The following FGF14 variants were observed in gnomAD, a reference collection of about 807,000 sequenced individuals.
FGF14 encodes the protein fibroblast growth factor homologous factor 4.
In FGF14, 5 loss-of-function variants were observed where a neutral mutation model predicts 25.5. The observed-to-expected ratio is 0.20, with a 90% confidence interval of 0.10 to 0.41. The LOEUF is 0.41. Ranked by LOEUF, FGF14 falls within the 10% of genes least tolerant of loss-of-function variation. The pLI is 1.00. For synonymous variants in FGF14, 138 were observed against 118.3 expected (o/e 1.17, Z -1.08); for missense variants, 222 against 320.1 (o/e 0.69, Z 2.34).
At chr13:101,937,517 GA>G in intron 1 of FGF14, among the ~76,000 whole-genome samples, 1 of 152,322 alleles carries the variant, frequency 6.6e-6, no homozygotes, top group Non-Finnish European at 1.5e-5. Context: ...GGCCTCAGAA[GA>G]AATCAACCTT....
At chr13:102,189,754 C>T (rs1363616716) in intron 1 of FGF14, among the ~76,000 whole-genome samples, 2 of 152,138 alleles carry the variant, frequency 1.3e-5, no homozygotes, top group African/African-American at 4.8e-5. Flanking sequence ...GCAAGCATGG[C>T]ACCAGCATCT....
intron 1 of FGF14, among the ~76,000 whole-genome samples, chr13:102,062,213 T>G (rs1050339106): frequency 1.3e-5 from 2 of 152,248 alleles, no homozygotes; most frequent in African/African-American, 4.8e-5. Flanking sequence ...GCAAATGATT[T>G]AAACATGGCT....
chr13:101,881,167 G>A (rs2045687711), intron 1 of FGF14, among the ~76,000 whole-genome samples: 1 of 152,086 alleles, frequency 6.6e-6, no homozygotes, highest in African/African-American at 2.4e-5. Flanking sequence ...GAGTATCTTG[G>A]GATTCCTAGC....
intron 1 of FGF14, among the ~76,000 whole-genome samples, chr13:101,912,927 T>TA: frequency 6.6e-6 from 1 of 152,242 alleles, no homozygotes; most frequent in Non-Finnish European, 1.5e-5. Context: ...TTTGAGAGCC[T>TA]ATGAAGATGC....
intron 1 of FGF14, among the ~76,000 whole-genome samples, chr13:102,294,664 C>CT (rs1566910458): frequency 6.6e-6 from 1 of 152,140 alleles, no homozygotes; most frequent in Non-Finnish European, 1.5e-5. Flanking sequence ...CCCTCCCCTC[C>CT]TTTCTTATTT....
intron 1 of FGF14, among the ~76,000 whole-genome samples, chr13:102,146,869 C>A (rs2046875991): frequency 6.6e-6 from 1 of 152,098 alleles, no homozygotes; most frequent in African/African-American, 2.4e-5. Flanking sequence ...GGGAAGACAT[C>A]ACATAAAATA....
chr13:101,962,501 T>C (rs1453725338), intron 1 of FGF14, among the ~76,000 whole-genome samples: 1 of 152,102 alleles, frequency 6.6e-6, no homozygotes, highest in African/African-American at 2.4e-5. Flanking sequence ...ACCCATAGAA[T>C]GACTAAAGTT....
Position 101,765,660 on chromosome 13 carries a change from T to C in FGF14, c.409-38850A>G, listed in dbSNP as rs140201046. On this transcript the variant is annotated intron_variant, in intron 3 of 4. Coordinates refer to ENST00000376143, the MANE Select transcript of FGF14 (RefSeq NM_004115.4). ...AATGAAGACCACATAAGAGAATCAA[T>C]ATGTGAAACAAATCCTCTGTGCATA... Among the ~76,000 whole-genome samples the C allele has an allele frequency of 5.7e-4, 86 of 152,154 alleles. No homozygotes were observed. In the East Asian group the frequency reaches 0.016, roughly 28 times the overall value.
At chr13:102,115,245 T>C (rs909499406) in intron 1 of FGF14, among the ~76,000 whole-genome samples, 3 of 152,198 alleles carry the variant, frequency 2.0e-5, no homozygotes, top group African/African-American at 7.2e-5. Context: ...GAAGCACAGC[T>C]GTCCCCATGG....
intron 3 of FGF14, among the ~76,000 whole-genome samples, chr13:101,824,734 C>G (rs2042320549): frequency 6.6e-6 from 1 of 152,132 alleles, no homozygotes; most frequent in South Asian, 2.1e-4. Context: ...AGGAACCGAC[C>G]ACGTGATTTG....
chr13:102,075,268 T>C (rs979164058), intron 1 of FGF14, among the ~76,000 whole-genome samples: 14 of 152,236 alleles, frequency 9.2e-5, no homozygotes, highest in African/African-American at 3.4e-4. Context: ...AATTTCTATA[T>C]GCTAACTATG....
intron 1 of FGF14, among the ~76,000 whole-genome samples, chr13:102,023,221 T>G (rs1257169601): frequency 2.0e-5 from 3 of 152,020 alleles, no homozygotes; most frequent in Non-Finnish European, 4.4e-5. Context: ...GTAAATGAAT[T>G]TAGAGCACTT....
intron 1 of FGF14, among the ~76,000 whole-genome samples, chr13:102,121,276 G>A (rs541087517): frequency 1.3e-5 from 2 of 152,208 alleles, no homozygotes; most frequent in East Asian, 1.9e-4. Context: ...TTGCCTACAG[G>A]TGGAAAATCT....
chr13:102,199,824 T>TAG (rs1566808877), intron 1 of FGF14, among the ~76,000 whole-genome samples: 4 of 152,334 alleles, frequency 2.6e-5, no homozygotes, highest in Admixed American at 6.5e-5. Flanking sequence ...TGCCAGACTT[T>TAG]AGAGCGTGTT....
chr13:102,008,892 T>C (rs2039939937), intron 1 of FGF14, among the ~76,000 whole-genome samples: 1 of 152,184 alleles, frequency 6.6e-6, no homozygotes, highest in South Asian at 2.1e-4. Context: ...ACTCCTGTTA[T>C]ACGATCTAAT....
chr13:101,802,149 C>T lies in FGF14; in HGVS notation c.408+66576G>A. 2.0e-5 allele frequency: 5 copies of T among 250,394 alleles called. No individual in the cohort carries two copies. In the South Asian group the frequency reaches 2.3e-4, roughly 12 times the overall value. The allele number at this position is 250,394 out of a possible 1,614,324, so 15.5% of individuals were successfully genotyped here. A position where few individuals can be genotyped will look rare whatever the true frequency, so the allele number is the denominator to read the frequency against. On this transcript the variant is annotated intron_variant, in intron 3 of 4. Coordinates refer to ENST00000376143, the MANE Select transcript of FGF14 (RefSeq NM_004115.4). The stretch of plus-strand genomic sequence containing the variant: ...GAGGCGAGAAGATGTCCCAAGAAGG[C>T]CACCATCTGAATTCTTTCCGTTCTG...
chr13:102,209,249 G>C (rs1468703625), intron 1 of FGF14, among the ~76,000 whole-genome samples: 1 of 152,164 alleles, frequency 6.6e-6, no homozygotes, highest in East Asian at 1.9e-4. Flanking sequence ...CCCAAACCTT[G>C]GGGTATTTGT....
At chr13:102,227,336 G>A (rs1422867557) in intron 1 of FGF14, among the ~76,000 whole-genome samples, 1 of 151,988 alleles carries the variant, frequency 6.6e-6, no homozygotes, top group Non-Finnish European at 1.5e-5. Context: ...TCCATGCAAT[G>A]CTTAAATGTC....
At chr13:101,858,796 T>C (rs1196502708) in intron 3 of FGF14, among the ~76,000 whole-genome samples, 4 of 152,142 alleles carry the variant, frequency 2.6e-5, no homozygotes, top group Non-Finnish European at 5.9e-5. Flanking sequence ...TATGAACATG[T>C]AGAAATAACA....
Sources: gnomAD v4.1 joint callset for allele counts (sites outside exome capture counted in the v4.1 genomes callset) on GRCh38, gnomAD v4.1.1 for gene constraint, MANE v1.5 for transcripts, NCBI Gene and HGNC (gene_info 2026-07-23, HGNC 2026-07-21) for gene names.